The following DAB1 variants were observed in gnomAD, a reference collection of about 807,000 sequenced individuals.
The protein encoded by DAB1 is disabled homolog 1.
A neutral mutation model predicts 64.6 loss-of-function variants in DAB1; 15 were observed. The ratio of observed to expected loss-of-function variants is 0.23; its 90% CI spans 0.16 to 0.36. The LOEUF is 0.36. Among genes scored for constraint, DAB1 ranks in the 10% least tolerant of loss-of-function variants. The pLI is 1.00. For synonymous variants in DAB1, 235 were observed against 251.9 expected, an observed-to-expected ratio of 0.93 and a Z score of 0.64; for missense variants, 596 against 706.7, an observed-to-expected ratio of 0.84 and a Z score of 1.78.
intron 2 of DAB1, among the ~76,000 whole-genome samples, chr1:57,176,384 G>A (rs776363298): frequency 2.0e-5 from 3 of 151,976 alleles, no homozygotes; most frequent in African/African-American, 7.3e-5. Flanking sequence ...GGAAACCCCC[G>A]TTTTTAAAAC....
chr1:57,807,169 G>A (rs1651401878), intron 6 of DAB1, among the ~76,000 whole-genome samples: 1 of 152,168 alleles, frequency 6.6e-6, no homozygotes, highest in Non-Finnish European at 1.5e-5. Context: ...GTAGTGGACT[G>A]TCTGAAAAAT....
At chr1:58,534,846 G>A (rs1032806485) in intron 1 of DAB1, among the ~76,000 whole-genome samples, 6 of 152,312 alleles carry the variant, frequency 3.9e-5, no homozygotes, top group South Asian at 4.1e-4. Flanking sequence ...TGAAGTGGGA[G>A]GATCGCTTGA....
chr1:57,379,933 G>A (rs17424216), intron 1 of DAB1, among the ~76,000 whole-genome samples: 39,130 of 152,158 alleles, frequency 0.26, 5,409 homozygotes, highest in Non-Finnish European at 0.31. Flanking sequence ...TTTGCCAAAC[G>A]GAAGTGGTGA....
chr1:58,449,834 A>G (rs1394487209), intron 3 of DAB1, among the ~76,000 whole-genome samples: 1 of 152,180 alleles, frequency 6.6e-6, no homozygotes, highest in Non-Finnish European at 1.5e-5. Flanking sequence ...TTTACATCTA[A>G]TAATTCATCT....
chr1:57,056,660 T>C (rs924556344), intron 9 of DAB1, among the ~76,000 whole-genome samples: 3 of 148,842 alleles, frequency 2.0e-5, no homozygotes, highest in Non-Finnish European at 4.5e-5. Flanking sequence ...AGGTTAGGAG[T>C]TTGAGACCAG....
chr1:58,143,363 G>A (rs1654393513), intron 5 of DAB1, among the ~76,000 whole-genome samples: 1 of 152,088 alleles, frequency 6.6e-6, no homozygotes, highest in African/African-American at 2.4e-5. Flanking sequence ...CACCCCACCA[G>A]TGCATCTTAA....
At chr1:58,339,020 G>C (rs916444853) in intron 4 of DAB1, among the ~76,000 whole-genome samples, 1 of 152,162 alleles carries the variant, frequency 6.6e-6, no homozygotes, top group Non-Finnish European at 1.5e-5. Flanking sequence ...GAGGAATGGG[G>C]AGTGACTGCT....
At chr1:57,674,803 C>T (rs899971196) in intron 6 of DAB1, among the ~76,000 whole-genome samples, 1 of 152,082 alleles carries the variant, frequency 6.6e-6, no homozygotes, top group Non-Finnish European at 1.5e-5. Context: ...CTTGGAGACC[C>T]CAAGAATAAC....
chr1:58,075,251 T>C (rs1301413171), intron 5 of DAB1, among the ~76,000 whole-genome samples: 1 of 152,194 alleles, frequency 6.6e-6, no homozygotes, highest in Admixed American at 6.5e-5. Flanking sequence ...GAGGGCATGG[T>C]AGTTAGTAAA....
intron 5 of DAB1, among the ~76,000 whole-genome samples, chr1:58,023,015 C>A (rs991756470): frequency 6.6e-6 from 1 of 152,158 alleles, no homozygotes; most frequent in Non-Finnish European, 1.5e-5. Flanking sequence ...AATTCACATA[C>A]TCAACATTTC....
chr1:57,903,276 A>G (rs1477142955), intron 5 of DAB1, among the ~76,000 whole-genome samples: 1 of 152,154 alleles, frequency 6.6e-6, no homozygotes, highest in Admixed American at 6.6e-5. Context: ...TATTGTAACC[A>G]TGGTTTCAAC....
At chr1:58,399,967 C>G (rs915450801) in intron 3 of DAB1, among the ~76,000 whole-genome samples, 2 of 151,608 alleles carry the variant, frequency 1.3e-5, no homozygotes, top group African/African-American at 4.8e-5. Context: ...TTGGTTGTAA[C>G]GAAAACCAGC....
chr1:57,083,819 A>G (rs1243525949), intron 4 of DAB1, among the ~76,000 whole-genome samples: 1 of 152,210 alleles, frequency 6.6e-6, no homozygotes, highest in African/African-American at 2.4e-5. Flanking sequence ...GAGTAGACAC[A>G]GGTCAGCATC....
At chr1:58,071,396 GT>G (rs1649247948) in intron 5 of DAB1, among the ~76,000 whole-genome samples, 4 of 151,152 alleles carry the variant, frequency 2.6e-5, no homozygotes, top group Middle Eastern at 3.2e-3. Context: ...GTGTGTGTGT[GT>G]GTGTGTGTGG....
intron 4 of DAB1, among the ~76,000 whole-genome samples, chr1:58,250,126 G>T (rs997454215): frequency 2.0e-5 from 3 of 152,108 alleles, no homozygotes; most frequent in Non-Finnish European, 4.4e-5. Context: ...CCACCACCTC[G>T]CCAGGTCCGG....
At chr1:58,517,380 T>C (rs969208681) in intron 2 of DAB1, among the ~76,000 whole-genome samples, 1 of 152,236 alleles carries the variant, frequency 6.6e-6, no homozygotes, top group Non-Finnish European at 1.5e-5. Flanking sequence ...TAAGCCATTG[T>C]TTCTCTTGCC....
chr1:57,489,914 A>C (rs1322043763), intron 7 of DAB1, among the ~76,000 whole-genome samples: 1 of 152,140 alleles, frequency 6.6e-6, no homozygotes, highest in Non-Finnish European at 1.5e-5. Context: ...TTGAAACCTA[A>C]TTGCCAATGT....
At chr1:58,526,395 T>C (rs1318380669) in intron 2 of DAB1, among the ~76,000 whole-genome samples, 2 of 152,088 alleles carry the variant, frequency 1.3e-5, no homozygotes, top group Non-Finnish European at 2.9e-5. Flanking sequence ...TAACAAAGGA[T>C]CAATTAAAAC....
intron 5 of DAB1, among the ~76,000 whole-genome samples, chr1:58,018,035 G>C (rs1385301099): frequency 2.6e-5 from 4 of 152,130 alleles, no homozygotes; most frequent in Admixed American, 6.5e-5. Flanking sequence ...CAGCTATAAA[G>C]TAAATAGAAT....
Sources: allele counts gnomAD v4.1 joint callset (sites outside exome capture counted in the v4.1 genomes callset), GRCh38; gene constraint gnomAD v4.1.1; transcripts MANE v1.5; gene names NCBI Gene and HGNC (gene_info 2026-07-23, HGNC 2026-07-21).